Variants in VPS53 observed in about 807,000 individuals in gnomAD.
VPS53 encodes the protein vacuolar protein sorting-associated protein 53 homolog.
Under a neutral mutation model 107.0 loss-of-function variants are expected in VPS53, and 70 were observed. The observed-to-expected ratio is 0.65, with a 90% CI of 0.54 to 0.80. The LOEUF (loss-of-function observed/expected upper bound fraction) is 0.80, where lower values mean the gene tolerates loss of function less well. Ranked by LOEUF, VPS53 falls within the 30% of genes least tolerant of loss-of-function variation. VPS53 has a pLI of 0.00. For synonymous variants in VPS53, 409 were observed against 393.3 expected (o/e 1.04, Z -0.47); for missense variants, 917 against 1,049.4 (o/e 0.87, Z 1.74).
intron 12 of VPS53, among the ~76,000 whole-genome samples, chr17:592,225 TG>T (rs1397476287): frequency 6.6e-6 from 1 of 152,220 alleles, no homozygotes; most frequent in African/African-American, 2.4e-5. Flanking sequence ...TGCCTTTTTT[TG>T]TTTTCCATTT....
chr17:610,097 C>G (rs960314359), intron 11 of VPS53, among the ~76,000 whole-genome samples: 1 of 151,362 alleles, frequency 6.6e-6, no homozygotes, highest in Admixed American at 6.6e-5. Context: ...CGCCACTGCA[C>G]TCGAGCCTGG....
intron 7 of VPS53, among the ~76,000 whole-genome samples, chr17:649,207 TGGAACAGGCACCGAAGATCTTACACTAG>T (rs1416510753): frequency 3.2e-4 from 3 of 9,296 alleles, no homozygotes; most frequent in African/African-American, 1.2e-3. Flanking sequence ...GACAGAGGAA[TGGAACAGGCACCGAAGATCTTACACTAG>T]AGGACAGAGG....
chr17:568,543 G>A (rs573374523), intron 13 of VPS53, among the ~76,000 whole-genome samples: 7 of 152,190 alleles, frequency 4.6e-5, no homozygotes, highest in Middle Eastern at 6.8e-3. Context: ...AACCATGCCC[G>A]ACCCTAGAGC....
chr17:647,976 T>G (rs1210366973), intron 7 of VPS53, among the ~76,000 whole-genome samples: 1 of 152,160 alleles, frequency 6.6e-6, no homozygotes, highest in African/African-American at 2.4e-5. Context: ...ACACCGTGAA[T>G]GCGTGAATGC....
chr17:543,383 T>C (rs964362904), intron 17 of VPS53, among the ~76,000 whole-genome samples: 5 of 152,174 alleles, frequency 3.3e-5, no homozygotes, highest in African/African-American at 1.2e-4. Context: ...CTAATATAAA[T>C]TATGTGCCAG....
chr17:602,778 A>C (rs992337814), intron 11 of VPS53, among the ~76,000 whole-genome samples: 3 of 152,258 alleles, frequency 2.0e-5, no homozygotes, highest in Admixed American at 6.5e-5. Flanking sequence ...CGTTAATTCC[A>C]GTACAACTAC....
intron 17 of VPS53, chr17:539,106 T>G (rs1910367986): frequency 6.6e-6 from 1 of 152,180 alleles, no homozygotes; most frequent in African/African-American, 2.4e-5. Flanking sequence ...GCCAATCATG[T>G]CCATAGCAAT....
At chr17:692,147 T>C (rs903387595) in intron 4 of VPS53, among the ~76,000 whole-genome samples, 1 of 152,190 alleles carries the variant, frequency 6.6e-6, no homozygotes, top group Non-Finnish European at 1.5e-5. Context: ...CCGGTCAACG[T>C]TGGCCACTCT....
At chr17:694,114 T>C (rs1006186039) in intron 4 of VPS53, among the ~76,000 whole-genome samples, 3 of 152,136 alleles carry the variant, frequency 2.0e-5, no homozygotes, top group Non-Finnish European at 2.9e-5. Flanking sequence ...CATTACAAAG[T>C]GCTGGAAAAG....
At chr17:588,610 T>C (rs2047509877) in intron 12 of VPS53, among the ~76,000 whole-genome samples, 1 of 152,230 alleles carries the variant, frequency 6.6e-6, no homozygotes, top group Admixed American at 6.5e-5. Flanking sequence ...AGGAGTTCCA[T>C]GTCTTTCATT....
chr17:681,101 C>G lies in VPS53; in HGVS notation c.285+16317G>C, dbSNP rs556974640. ...TTTTTGAAAAATAACTATATTTTCC[C>G]CCCAGACAAAACAAAGTTGTTTTTT... On this transcript the variant is annotated intron_variant, in intron 4 of 21. Coordinates refer to ENST00000437048, the MANE Select transcript of VPS53 (RefSeq NM_001128159.3). Among the ~76,000 whole-genome samples the G allele has an allele frequency of 3.9e-5, 6 of 152,042 alleles. No individual in the cohort carries two copies. The East Asian group carries it at 1.2e-3, about 29-fold the overall frequency.
intron 10 of VPS53, among the ~76,000 whole-genome samples, chr17:626,150 T>A (rs1202274560): frequency 6.6e-6 from 1 of 151,540 alleles, no homozygotes; most frequent in Non-Finnish European, 1.5e-5. Context: ...TCAAGGCTGC[T>A]GTGAGCCATG....
At chr17:703,802 CTT>C (rs869170409) in intron 2 of VPS53, among the ~76,000 whole-genome samples, 84 of 140,920 alleles carry the variant, frequency 6.0e-4, no homozygotes, top group Non-Finnish European at 5.4e-4. Flanking sequence ...AATTTGGCAT[CTT>C]TTTTTTTTTT....
chr17:629,139 C>G (rs1457525682), intron 8 of VPS53, among the ~76,000 whole-genome samples: 1 of 152,178 alleles, frequency 6.6e-6, no homozygotes, highest in Non-Finnish European at 1.5e-5. Context: ...CTTTCCAATT[C>G]CACCCATCTC....
chr17:654,795 T>C (rs1971117282), intron 6 of VPS53, among the ~76,000 whole-genome samples: 1 of 151,530 alleles, frequency 6.6e-6, no homozygotes, highest in Admixed American at 6.6e-5. Flanking sequence ...GCCAAGGTGT[T>C]CCGTTGCTAC....
Position 511,903 on chromosome 17 carries a change from G to T in VPS53, c.*7225C>A. The T allele has an allele frequency of 6.6e-6, 1 of 152,330 alleles. No individual in the cohort carries two copies. The allele number at this position is 152,330 out of a possible 1,614,324, so 9.4% of individuals were successfully genotyped here. On this transcript the variant is annotated 3_prime_UTR_variant, in exon 22 of 22. Transcript: ENST00000437048. ...TGGAAGGGAGGCTTTGGCAACCCTC[G>T]CAATTCGCATTCACAGGAGACATGC...
At chr17:529,763 C>A (rs1462627093) in intron 19 of VPS53, among the ~76,000 whole-genome samples, 1 of 151,854 alleles carries the variant, frequency 6.6e-6, no homozygotes, top group Non-Finnish European at 1.5e-5. Flanking sequence ...TTCATTTAGG[C>A]CTGGGAGCCA....
chr17:713,880 CAAA>C (rs59315713), intron 1 of VPS53, among the ~76,000 whole-genome samples: 2,817 of 138,380 alleles, frequency 0.02, 41 homozygotes, highest in East Asian at 0.07. Flanking sequence ...GTCTTTACCC[CAAA>C]AAAAAAAAAA....
chr17:706,682 T>C (rs1366993105), intron 2 of VPS53, among the ~76,000 whole-genome samples: 2 of 152,218 alleles, frequency 1.3e-5, no homozygotes, highest in Non-Finnish European at 2.9e-5. Flanking sequence ...CTACCCCAGA[T>C]TTCTTATAAA....
Sources: allele counts gnomAD v4.1 joint callset (sites outside exome capture counted in the v4.1 genomes callset), GRCh38; gene constraint gnomAD v4.1.1; transcripts MANE v1.5; gene names NCBI Gene and HGNC (gene_info 2026-07-23, HGNC 2026-07-21).